VPS39: variants seen among roughly 807,000 people sequenced by gnomAD.
The protein encoded by VPS39 is vam6/Vps39-like protein.
VPS39 carries 70 observed loss-of-function variants against 121.0 expected under a neutral mutation model. The observed-to-expected ratio is 0.58, with a 90% CI of 0.48 to 0.71. The LOEUF (loss-of-function observed/expected upper bound fraction) is 0.71. Among genes scored for constraint, VPS39 ranks in the 30% least tolerant of loss-of-function variants. VPS39 has a pLI of 0.00. For synonymous variants in VPS39, 378 were observed against 398.1 expected, an observed-to-expected ratio of 0.95 and a Z score of 0.60; for missense variants, 818 against 1,051.5, an observed-to-expected ratio of 0.78 and a Z score of 3.07.
Position 42,166,009 on chromosome 15 carries a change from A to C in VPS39, c.1680+150T>G, listed in dbSNP as rs2049235201. The stretch of plus-strand genomic sequence containing the variant: ...GTGTAAGGCTCTCTCTACCAACTAC[A>C]GTGCTGGCTCGCGCTTCCCAGTCCA... On this transcript the variant is annotated intron_variant, in intron 16 of 24. Transcript: ENST00000318006. The C allele has an allele frequency of 4.2e-6, 4 of 941,444 alleles. No individual in the cohort carries two copies. The South Asian group carries it at 4.6e-5, about 11-fold the overall frequency. 58.3% of individuals were successfully genotyped at this position (941,444 alleles called of 1,614,324 possible). A position where few individuals can be genotyped will look rare whatever the true frequency, so the allele number is the denominator to read the frequency against.
At chr15:42,199,983 AAAACAAAAAC>A (rs1477929757) in intron 1 of VPS39, 22 bp from the exon 2 acceptor site, 1 of 1,550,528 alleles carries the variant, frequency 6.4e-7, no homozygotes, top group Non-Finnish European at 8.6e-7. Context: ...AAACAAAACA[AAAACAAAAAC>A]AAAAAAAAAC....
intron 2 of VPS39, chr15:42,199,536 C>G: frequency 2.2e-6 from 1 of 452,234 alleles, no homozygotes; most frequent in Middle Eastern, 4.7e-4. Flanking sequence ...TTTTTCCTAC[C>G]ACCACACCAT....
At chr15:42,163,590 G>T in intron 20 of VPS39, 36 bp downstream of exon 20, 1 of 1,588,536 alleles carries the variant, frequency 6.3e-7, no homozygotes, top group Non-Finnish European at 8.6e-7. Context: ...CCTGCTTTTA[G>T]ACTGCTTAGG....
At chr15:42,198,802 A>G (rs752200437) in intron 2 of VPS39, among the ~76,000 whole-genome samples, 26 of 152,258 alleles carry the variant, frequency 1.7e-4, no homozygotes, top group Non-Finnish European at 7.3e-5. Flanking sequence ...ACAAAGGCAG[A>G]GTTAAGTAGT....
chr15:42,165,671 G>C, intron 17 of VPS39, 47 bp downstream of exon 17: 1 of 1,513,954 alleles, frequency 6.6e-7, no homozygotes, highest in South Asian at 1.1e-5. Context: ...ACGCAGTCCT[G>C]GATCCTGGGT....
intron 11 of VPS39, among the ~76,000 whole-genome samples, chr15:42,170,251 A>C (rs2049321872): frequency 6.6e-6 from 1 of 152,214 alleles, no homozygotes; most frequent in Non-Finnish European, 1.5e-5. Flanking sequence ...AAAAAAAGAC[A>C]ACAGGCTAGG....
At chr15:42,163,769 C>A in intron 19 of VPS39, 41 bp from the exon 20 acceptor site, 1 of 1,474,404 alleles carries the variant, frequency 6.8e-7, no homozygotes, top group Non-Finnish European at 9.3e-7. Context: ...GCCGCCATCA[C>A]GCAAGCACAA....
chr15:42,182,766 T>C (rs1268718355), intron 8 of VPS39, among the ~76,000 whole-genome samples: 1 of 152,192 alleles, frequency 6.6e-6, no homozygotes, highest in Non-Finnish European at 1.5e-5. Context: ...CAAAACTTTC[T>C]TCAGCAGTAA....
At chr15:42,200,035 T>C in intron 1 of VPS39, 74 bp from the exon 2 acceptor site, 1 of 1,386,274 alleles carries the variant, frequency 7.2e-7, no homozygotes, top group Non-Finnish European at 9.5e-7. Flanking sequence ...AGCTTGAGTA[T>C]AACCCTATTT....
At chr15:42,175,352 G>A (rs590540) in intron 10 of VPS39, among the ~76,000 whole-genome samples, 19,835 of 150,512 alleles carry the variant, frequency 0.13, 1,606 homozygotes, top group South Asian at 0.24. Flanking sequence ...AGGTTGCAGC[G>A]AGCTGAGATT....
chr15:42,171,180 T>C (rs2049341219), intron 11 of VPS39, among the ~76,000 whole-genome samples: 1 of 152,226 alleles, frequency 6.6e-6, no homozygotes, highest in South Asian at 2.1e-4. Flanking sequence ...TTTCTACTCC[T>C]TTATAGTCCA....
At chr15:42,163,559 A>C in intron 20 of VPS39, 67 bp downstream of exon 20, 1 of 1,527,848 alleles carries the variant, frequency 6.5e-7, no homozygotes, top group South Asian at 1.2e-5. Context: ...TGGCCTTCTT[A>C]ACTCTCATCT....
At chr15:42,194,683 T>C (rs966353785) in intron 2 of VPS39, among the ~76,000 whole-genome samples, 1 of 151,780 alleles carries the variant, frequency 6.6e-6, no homozygotes, top group African/African-American at 2.4e-5. Context: ...CAGTGAGTCA[T>C]GATTGCGCCA....
At chr15:42,183,055 T>G (rs1054506816) in intron 8 of VPS39, among the ~76,000 whole-genome samples, 29 of 152,088 alleles carry the variant, frequency 1.9e-4, no homozygotes, top group Non-Finnish European at 1.2e-4. Flanking sequence ...TCTAGTCTAC[T>G]TATCTCTAAC....
At chr15:42,168,553 T>G (rs1445516849) in intron 12 of VPS39, among the ~76,000 whole-genome samples, 4 of 151,360 alleles carry the variant, frequency 2.6e-5, no homozygotes, top group Non-Finnish European at 5.9e-5. Flanking sequence ...CTTTTTTTTT[T>G]TTTTTTTTGA....
At chr15:42,189,723 C>T (rs1447374473) in intron 4 of VPS39, among the ~76,000 whole-genome samples, 27 of 55,798 alleles carry the variant, frequency 4.8e-4, no homozygotes, top group African/African-American at 1.2e-3. Flanking sequence ...AGTGAGACTC[C>T]GTCTCAAAAA....
At chr15:42,187,420 C>T (rs896591093) in intron 6 of VPS39, 57 bp from the exon 7 acceptor site, 1 of 1,495,424 alleles carries the variant, frequency 6.7e-7, no homozygotes, top group Non-Finnish European at 9.1e-7. Context: ...AAAATCATGA[C>T]TTTCCTGTTA....
intron 6 of VPS39, 93 bp downstream of exon 6, chr15:42,187,665 G>T: frequency 8.9e-7 from 1 of 1,120,790 alleles, no homozygotes; most frequent in Non-Finnish European, 1.4e-6. Context: ...ATTCATTTGC[G>T]TAGAATGACA....
At chr15:42,167,306 G>A in intron 13 of VPS39, 88 bp downstream of exon 13, 1 of 1,485,858 alleles carries the variant, frequency 6.7e-7, no homozygotes, top group Non-Finnish European at 9.1e-7. Flanking sequence ...ACTAATGGCA[G>A]GTCCCTCAGG....
Sources: gnomAD v4.1 joint callset for allele counts (sites outside exome capture counted in the v4.1 genomes callset) on GRCh38, gnomAD v4.1.1 for gene constraint, MANE v1.5 for transcripts, NCBI Gene and HGNC (gene_info 2026-07-23, HGNC 2026-07-21) for gene names.